FLNB: variants seen among roughly 807,000 people sequenced by gnomAD.
The protein encoded by FLNB is filamin-B.
A neutral mutation model predicts 250.6 loss-of-function variants in FLNB; 111 were observed. The ratio of observed to expected loss-of-function variants is 0.44; its 90% CI spans 0.38 to 0.52. The LOEUF (loss-of-function observed/expected upper bound fraction) is 0.52, where lower values mean the gene tolerates loss of function less well. Ranked by LOEUF, FLNB falls within the 20% of genes least tolerant of loss-of-function variation. FLNB has a pLI of 0.00. For missense variants in FLNB, 2,869 were observed against 3,447.8 expected (o/e 0.83, Z 4.20); for synonymous variants, 1,302 against 1,372.1 (o/e 0.95, Z 1.13).
At position 58,131,996 on chromosome 3, in the gene FLNB, C is replaced by T. The variant is rs772215601; in HGVS notation, c.4391-812C>T. 6.5e-6 allele frequency: 10 copies of T among 1,536,122 alleles called. No homozygotes were observed. In the Admixed American group the frequency reaches 7.8e-5, roughly 12 times the overall value. On this transcript the variant is annotated intron_variant, in intron 25 of 45. Transcript: ENST00000295956. ...CTTTCAGAGTTCTTTAAAGGTGACC[C>T]GAAGGGTGACTTTAATAAGACAGGT...
chr3:58,013,803 A>G (rs1272514793), intron 1 of FLNB, among the ~76,000 whole-genome samples: 1 of 152,256 alleles, frequency 6.6e-6, no homozygotes. Flanking sequence ...AGCTTGGGCA[A>G]CAGGAGCAAA....
At chr3:58,104,616 G>C (rs781201089) in intron 10 of FLNB, among the ~76,000 whole-genome samples, 1 of 152,080 alleles carries the variant, frequency 6.6e-6, no homozygotes, top group Non-Finnish European at 1.5e-5. Flanking sequence ...GAAATATTTG[G>C]GCATTATTGG....
intron 38 of FLNB, chr3:58,150,437 T>A (rs1482647540): frequency 5.0e-6 from 3 of 603,220 alleles, no homozygotes; most frequent in Admixed American, 6.0e-5. Flanking sequence ...CCTTGCTACC[T>A]TTTTCCTCTT....
intron 1 of FLNB, among the ~76,000 whole-genome samples, chr3:58,020,384 G>A (rs1350097761): frequency 6.6e-6 from 1 of 152,104 alleles, no homozygotes; most frequent in African/African-American, 2.4e-5. Context: ...AGGTAGCCTC[G>A]TGCTGTGGCA....
chr3:58,083,394 T>G (rs1404473626), intron 4 of FLNB, among the ~76,000 whole-genome samples: 2 of 139,134 alleles, frequency 1.4e-5, no homozygotes, highest in Non-Finnish European at 3.1e-5. Flanking sequence ...TTTTTGAGAG[T>G]CTTGCTCTGT....
Position 58,081,753 on chromosome 3 carries a change from A to G in FLNB, c.764A>G (p.Lys255Arg). Residue 255 changes from lysine (K) to arginine (R), a missense_variant, in exon 4 of 46, where the codon AAG becomes AGG. By Grantham distance (26) the Lys-to-Arg change is conservative. Transcript: ENST00000295956. ...CCTCTCAAACCCAAACTCAACCCGA[A>G]GAAAGCCAGGGCCTATGGCAGAGGT... ...GAPLKPKLNP[K>R]KARAYGRGIE... is the part of the protein sequence containing the mutation. 1 of 1,614,132 alleles carries G rather than the reference A, an allele frequency of 6.2e-7. No individual in the cohort carries two copies. The highest frequency in any genetic ancestry group is 8.5e-7 in the Non-Finnish European group (1 of 1,180,004).
intron 1 of FLNB, among the ~76,000 whole-genome samples, chr3:58,038,818 A>G (rs1186684237): frequency 2.0e-5 from 3 of 152,108 alleles, no homozygotes; most frequent in African/African-American, 7.2e-5. Context: ...TTGTTAGGAA[A>G]GGCTGTGCTG....
At chr3:58,138,239 G>T (rs1021328459) in intron 28 of FLNB, 43 bp from the exon 29 acceptor site, 1 of 1,612,110 alleles carries the variant, frequency 6.2e-7, no homozygotes, top group African/African-American at 1.3e-5. Context: ...CCTCCAGGAT[G>T]TGTGTCCATA....
chr3:58,037,655 G>C (rs1303887318), intron 1 of FLNB, among the ~76,000 whole-genome samples: 1 of 152,142 alleles, frequency 6.6e-6, no homozygotes, highest in Non-Finnish European at 1.5e-5. Flanking sequence ...TTGTAAAATG[G>C]CCATGATTCT....
At chr3:58,013,029 C>T (rs777455304) in intron 1 of FLNB, among the ~76,000 whole-genome samples, 11 of 152,310 alleles carry the variant, frequency 7.2e-5, no homozygotes, top group African/African-American at 1.4e-4. Flanking sequence ...AATTTCCTTA[C>T]GTTTCTTGTT....
intron 27 of FLNB, 33 bp from the exon 28 acceptor site, chr3:58,135,946 A>G: frequency 6.2e-7 from 1 of 1,608,404 alleles, no homozygotes; most frequent in Non-Finnish European, 8.5e-7. Context: ...CATCTTGACA[A>G]CATCCTAAAT....
chr3:58,155,688 C>G (rs550035026), intron 40 of FLNB, among the ~76,000 whole-genome samples: 4 of 152,138 alleles, frequency 2.6e-5, no homozygotes, highest in Non-Finnish European at 5.9e-5. Flanking sequence ...AAAATTAAAA[C>G]GTAATTTTTT....
chr3:58,152,841 G>A lies in FLNB; in HGVS notation c.6368-534G>A. 4 of 888,122 alleles carry A rather than the reference G, an allele frequency of 4.5e-6. No homozygotes were observed. In the South Asian group the frequency reaches 5.8e-5, roughly 13 times the overall value. 55.0% of individuals were successfully genotyped at this position (888,122 alleles called of 1,614,324 possible). On this transcript the variant is annotated intron_variant, in intron 38 of 45. Coordinates refer to ENST00000295956, the MANE Select transcript of FLNB (RefSeq NM_001457.4). ...GCCTCACCACGGCAGTGCAGGCACAGTCGTTGGCATGACGTGAGCAGCTCA... is the reference window on the plus strand; with the variant it reads ...GCCTCACCACGGCAGTGCAGGCACAATCGTTGGCATGACGTGAGCAGCTCA...
rs80356520 is a variant in FLNB at position 58,136,126 on chromosome 3, C to T, written c.4819C>T (p.Arg1607Ter). ...DDIPLSPYRI[R>*]ATQTGDASKC... Reference sequence around the variant, plus strand: ...CATCCCACTTTCTCCTTATCGCATCCGAGCCACACAGACGGGTGATGCCAG... The same window carrying T: ...CATCCCACTTTCTCCTTATCGCATCTGAGCCACACAGACGGGTGATGCCAG... Residue 1607 changes from arginine (R) to a stop codon, truncating the protein, a stop_gained, in exon 28 of 46, where the codon CGA (arginine) becomes TGA (stop). Transcript: ENST00000295956. LOFTEE classifies it high-confidence loss of function. The T allele has an allele frequency of 1.1e-5, 18 of 1,613,780 alleles. No homozygotes were observed. Among genetic ancestry groups the T allele is most frequent in the South Asian group, 2.2e-5 (2 of 91,078 alleles).
rs532347120 is a variant in FLNB, at chr3:58,154,864, C to A, written c.6708C>A (p.Ala2236=). The part of the protein sequence containing the change: ...LSIAVEGPSK[A]EITFDDHKNG... ...TCGCTGTTGAGGGCCCCAGTAAGGC[C>A]GAGATTACATTCGATGACCATAAAA... The change falls in exon 40 of 46, where the codon GCC becomes GCA. Residue 2236 remains alanine, a synonymous_variant. Coordinates refer to ENST00000295956, the MANE Select transcript of FLNB (RefSeq NM_001457.4). 5 of 1,613,708 alleles carry A rather than the reference C, an allele frequency of 3.1e-6. No individual in the cohort carries two copies. Among genetic ancestry groups the A allele is most frequent in the Non-Finnish European group, 4.2e-6 (5 of 1,179,888 alleles).
intron 1 of FLNB, among the ~76,000 whole-genome samples, chr3:58,045,139 C>T (rs1224059631): frequency 6.6e-6 from 1 of 152,188 alleles, no homozygotes; most frequent in African/African-American, 2.4e-5. Flanking sequence ...TTGCCAAATT[C>T]ATAGGTCATG....
chr3:58,136,920 A>G (rs1299576261), intron 28 of FLNB, among the ~76,000 whole-genome samples: 1 of 151,870 alleles, frequency 6.6e-6, no homozygotes, highest in Non-Finnish European at 1.5e-5. Context: ...GGGTTTCACC[A>G]TAATTGGCCA....
intron 1 of FLNB, among the ~76,000 whole-genome samples, chr3:58,032,998 G>A (rs2097133054): frequency 6.6e-6 from 1 of 152,132 alleles, no homozygotes; most frequent in Non-Finnish European, 1.5e-5. Flanking sequence ...GCTTGAGCCC[G>A]GGAAGTCAAG....
chr3:58,065,005 ACTCC>A (rs2097183547), intron 1 of FLNB, among the ~76,000 whole-genome samples: 1 of 151,968 alleles, frequency 6.6e-6, no homozygotes, highest in Non-Finnish European at 1.5e-5. Context: ...GTGCCACTGC[ACTCC>A]AGCTTGGGTG....
Sources: gnomAD v4.1 joint callset for allele counts (sites outside exome capture counted in the v4.1 genomes callset) on GRCh38, gnomAD v4.1.1 for gene constraint, MANE v1.5 for transcripts, NCBI Gene and HGNC (gene_info 2026-07-23, HGNC 2026-07-21) for gene names.